Variants in SLC25A48 observed in about 807,000 individuals in gnomAD.
SLC25A48 encodes solute carrier family 25 member 48, also known as CTC-321K16.1.
Under a neutral mutation model 32.2 loss-of-function variants are expected in SLC25A48, and 29 were observed. The ratio of observed to expected loss-of-function variants is 0.90; its 90% CI spans 0.67 to 1.23. The LOEUF (loss-of-function observed/expected upper bound fraction) is 1.23, where lower values mean the gene tolerates loss of function less well. Ranked by LOEUF, SLC25A48 falls within the 50% of genes most tolerant of loss-of-function variation. SLC25A48 has a pLI of 0.00. For missense variants in SLC25A48, 399 were observed against 422.7 expected (o/e 0.94, Z 0.49); for synonymous variants, 164 against 172.3 (o/e 0.95, Z 0.38).
At chr5:135,808,188 TATAA>T (rs1289781450) in intron 3 of SLC25A48, among the ~76,000 whole-genome samples, 2 of 150,542 alleles carry the variant, frequency 1.3e-5, no homozygotes, top group Admixed American at 1.3e-4. Flanking sequence ...CACTAGATAT[TATAA>T]ATATTATAGA....
intron 3 of SLC25A48, among the ~76,000 whole-genome samples, chr5:135,646,676 T>C (rs868195858): frequency 7.6e-6 from 1 of 131,990 alleles, no homozygotes; most frequent in African/African-American, 2.9e-5. Context: ...TATATATATA[T>C]ATACAATGGG....
At chr5:135,868,835 C>T (rs1761423154) in intron 4 of SLC25A48, among the ~76,000 whole-genome samples, 1 of 152,166 alleles carries the variant, frequency 6.6e-6, no homozygotes, top group African/African-American at 2.4e-5. Flanking sequence ...TTACCAGAAT[C>T]CCCTCTTTCA....
rs894146630 is a variant in SLC25A48, at chr5:135,747,406, T to C, written c.-520-65117T>C. On this transcript the variant is annotated intron_variant, in intron 3 of 10. Transcript: ENST00000646290. Reference sequence around the variant, plus strand: ...ATTATTATGCTTTCTGGTCAATTTTTCCCCCCAAGTGTGGTCAGTGAAGCC... The same window carrying C: ...ATTATTATGCTTTCTGGTCAATTTTCCCCCCCAAGTGTGGTCAGTGAAGCC... Among the ~76,000 whole-genome samples, 5 of 152,112 alleles carry C rather than the reference T, an allele frequency of 3.3e-5. No individual in the cohort carries two copies. The East Asian group carries it at 9.6e-4, about 29-fold the overall frequency.
At chr5:135,861,962 C>T (rs1346453614) in intron 4 of SLC25A48, among the ~76,000 whole-genome samples, 1 of 152,270 alleles carries the variant, frequency 6.6e-6, no homozygotes, top group Non-Finnish European at 1.5e-5. Context: ...GCCTCTGCCA[C>T]TTGGCAAGCA....
At chr5:135,720,099 G>A (rs1040746531) in intron 3 of SLC25A48, among the ~76,000 whole-genome samples, 2 of 152,336 alleles carry the variant, frequency 1.3e-5, no homozygotes, top group Admixed American at 6.5e-5. Flanking sequence ...GCTGAAAAAC[G>A]CAGTAGCTCA....
intron 3 of SLC25A48, among the ~76,000 whole-genome samples, chr5:135,756,540 G>A (rs956524845): frequency 2.0e-5 from 3 of 152,006 alleles, no homozygotes; most frequent in African/African-American, 7.2e-5. Context: ...GCGTGGTGGT[G>A]CGTGCCTGTA....
chr5:135,731,755 T>G (rs538549059), intron 3 of SLC25A48, among the ~76,000 whole-genome samples: 1 of 152,196 alleles, frequency 6.6e-6, no homozygotes, highest in East Asian at 1.9e-4. Context: ...AATTAGAGAG[T>G]GCCCAAGGAG....
At chr5:135,771,106 A>AC (rs1202748130) in intron 3 of SLC25A48, among the ~76,000 whole-genome samples, 5 of 150,802 alleles carry the variant, frequency 3.3e-5, no homozygotes, top group Non-Finnish European at 3.0e-5. Context: ...GGGGGTGTAC[A>AC]CCCCCCCGGT....
chr5:135,876,116 CT>C (rs1249970022), intron 6 of SLC25A48: 1 of 41,854 alleles, frequency 2.4e-5, no homozygotes, highest in Non-Finnish European at 5.2e-5. Flanking sequence ...TCTTTTGTAT[CT>C]TTTTTTTCTT....
intron 3 of SLC25A48, among the ~76,000 whole-genome samples, chr5:135,658,631 C>G (rs1006058117): frequency 6.6e-6 from 1 of 152,190 alleles, no homozygotes; most frequent in African/African-American, 2.4e-5. Context: ...CTCTGCACTG[C>G]CCTAGCAGAG....
chr5:135,684,662 G>T (rs1294433440), intron 3 of SLC25A48, among the ~76,000 whole-genome samples: 1 of 152,226 alleles, frequency 6.6e-6, no homozygotes, highest in African/African-American at 2.4e-5. Flanking sequence ...GCAGCTGGGG[G>T]ATCTGGTTGG....
intron 1 of SLC25A48, among the ~76,000 whole-genome samples, chr5:135,617,426 C>CTTTGTA (rs1226560253): frequency 6.6e-6 from 1 of 150,584 alleles, no homozygotes; most frequent in Non-Finnish European, 1.5e-5. Context: ...TTCATTTATT[C>CTTTGTA]TTTGTATTTT....
At chr5:135,821,440 T>C (rs1170229973) in intron 4 of SLC25A48, among the ~76,000 whole-genome samples, 1 of 152,084 alleles carries the variant, frequency 6.6e-6, no homozygotes, top group Non-Finnish European at 1.5e-5. Context: ...CAGCGGCCCA[T>C]GCAGCTCACT....
At chr5:135,688,893 A>C (rs1486008262) in intron 3 of SLC25A48, among the ~76,000 whole-genome samples, 2 of 152,236 alleles carry the variant, frequency 1.3e-5, no homozygotes, top group Non-Finnish European at 2.9e-5. Flanking sequence ...TAATCAAATA[A>C]TAATAATAAT....
intron 3 of SLC25A48, among the ~76,000 whole-genome samples, chr5:135,690,162 A>G (rs910091720): frequency 5.3e-5 from 8 of 151,964 alleles, no homozygotes; most frequent in African/African-American, 1.9e-4. Context: ...AAATTAGTAA[A>G]CCTCCCTATG....
rs544377387 is a variant in SLC25A48, at chr5:135,679,431, C to T, written c.-521+44475C>T. 5.9e-5 allele frequency among the ~76,000 whole-genome samples: 9 copies of T among 152,244 alleles called. No homozygotes were observed. In the East Asian group the frequency reaches 7.7e-4, roughly 13 times the overall value. Reference sequence around the variant, plus strand: ...CCAGGACCAGTGTGGAATGCTTGGGCGGTGGTGGTAGCAGCTGTACTTCAG... The same window carrying T: ...CCAGGACCAGTGTGGAATGCTTGGGTGGTGGTGGTAGCAGCTGTACTTCAG... On this transcript the variant is annotated intron_variant, in intron 3 of 10. Coordinates refer to the SLC25A48 transcript ENST00000646290.
At chr5:135,729,049 T>C (rs912993067) in intron 3 of SLC25A48, among the ~76,000 whole-genome samples, 1 of 152,138 alleles carries the variant, frequency 6.6e-6, no homozygotes, top group Admixed American at 6.5e-5. Flanking sequence ...ACGGGTCCTG[T>C]GCTTTATTCC....
chr5:135,695,720 G>A (rs1414721873), intron 3 of SLC25A48, among the ~76,000 whole-genome samples: 5 of 152,172 alleles, frequency 3.3e-5, no homozygotes, highest in African/African-American at 1.2e-4. Context: ...ACCCCAGCCG[G>A]AGGACAGAGG....
chr5:135,829,899 G>A (rs954219490), upstream of SLC25A48, among the ~76,000 whole-genome samples: 4 of 152,032 alleles, frequency 2.6e-5, no homozygotes, highest in South Asian at 4.2e-4. Context: ...GAGAACTTGC[G>A]TCAGAGAATT....
Sources: allele counts gnomAD v4.1 joint callset (sites outside exome capture counted in the v4.1 genomes callset), GRCh38; gene constraint gnomAD v4.1.1; transcripts MANE v1.5; gene names NCBI Gene and HGNC (gene_info 2026-07-23, HGNC 2026-07-21).